RAD54L2: variants seen among roughly 807,000 people sequenced by gnomAD.
RAD54L2 encodes helicase ARIP4.
In RAD54L2, 27 loss-of-function variants were observed where a neutral mutation model predicts 138.4. The ratio of observed to expected loss-of-function variants is 0.20; its 90% CI spans 0.14 to 0.27. RAD54L2 has a LOEUF of 0.27. Among genes scored for constraint, RAD54L2 ranks in the 10% least tolerant of loss-of-function variants. RAD54L2 has a pLI of 1.00. For synonymous variants in RAD54L2, 644 were observed against 723.2 expected, an observed-to-expected ratio of 0.89 and a Z score of 1.76; for missense variants, 1,396 against 1,890.2, an observed-to-expected ratio of 0.74 and a Z score of 4.85.
At chr3:51,563,307 C>G (rs972328970) in intron 2 of RAD54L2, among the ~76,000 whole-genome samples, 1 of 152,140 alleles carries the variant, frequency 6.6e-6, no homozygotes, top group African/African-American at 2.4e-5. Flanking sequence ...GATTTTGGCA[C>G]CTGGCTGTAT....
chr3:51,593,028 A>G (rs1047720966), intron 3 of RAD54L2, among the ~76,000 whole-genome samples: 6 of 152,078 alleles, frequency 3.9e-5, no homozygotes, highest in African/African-American at 1.2e-4. Flanking sequence ...TGAATAATCT[A>G]GTTTTAGTTG....
chr3:51,634,726 A>G (rs952574926), intron 9 of RAD54L2, among the ~76,000 whole-genome samples: 4 of 152,188 alleles, frequency 2.6e-5, no homozygotes, highest in African/African-American at 9.6e-5. Flanking sequence ...CCTAATCATT[A>G]GTCACTTCTT....
chr3:51,582,295 AAC>A (rs770797243), intron 2 of RAD54L2, among the ~76,000 whole-genome samples: 4 of 152,180 alleles, frequency 2.6e-5, no homozygotes, highest in African/African-American at 4.8e-5. Flanking sequence ...CACAGAAGGA[AAC>A]ACACACACAA....
chr3:51,617,276 T>G (rs951133245), intron 3 of RAD54L2, among the ~76,000 whole-genome samples: 2 of 152,202 alleles, frequency 1.3e-5, no homozygotes, highest in Non-Finnish European at 2.9e-5. Context: ...AATAGATGTG[T>G]TTAACTTGAT....
intron 3 of RAD54L2, among the ~76,000 whole-genome samples, chr3:51,607,552 A>G (rs1006102326): frequency 3.3e-5 from 5 of 151,818 alleles, no homozygotes; most frequent in African/African-American, 1.2e-4. Context: ...TCTTTTCCCC[A>G]CATTTCCCCC....
At chr3:51,568,678 C>T (rs979937074) in intron 2 of RAD54L2, among the ~76,000 whole-genome samples, 7 of 152,134 alleles carry the variant, frequency 4.6e-5, no homozygotes, top group African/African-American at 1.7e-4. Context: ...ACATGGTACT[C>T]TTAACTGCTC....
At chr3:51,598,127 ATATATATGTGTGTATATATATATG>A (rs2106728398) in intron 3 of RAD54L2, among the ~76,000 whole-genome samples, 1 of 147,918 alleles carries the variant, frequency 6.8e-6, no homozygotes, top group South Asian at 2.1e-4. Flanking sequence ...GTGTATATAT[ATATATATGTGTGTATATATATATG>A]TGTGTGTGTG....
chr3:51,573,757 G>A (rs1699395823), intron 2 of RAD54L2, among the ~76,000 whole-genome samples: 1 of 152,146 alleles, frequency 6.6e-6, no homozygotes, highest in Non-Finnish European at 1.5e-5. Flanking sequence ...GGTATTTTGG[G>A]ATTTGTTAAG....
intron 2 of RAD54L2, among the ~76,000 whole-genome samples, chr3:51,559,424 T>C (rs1411882113): frequency 6.6e-6 from 1 of 152,206 alleles, no homozygotes; most frequent in East Asian, 1.9e-4. Context: ...GTAAGTTTGG[T>C]GTCTTACACT....
intron 2 of RAD54L2, among the ~76,000 whole-genome samples, chr3:51,588,011 C>T (rs1238858437): frequency 1.3e-5 from 2 of 149,744 alleles, no homozygotes; most frequent in Admixed American, 1.3e-4. Context: ...ACGGTGAGAC[C>T]CCGTCTCTAC....
chr3:51,648,903 G>A (rs1447238645), intron 19 of RAD54L2, among the ~76,000 whole-genome samples: 1 of 152,150 alleles, frequency 6.6e-6, no homozygotes. Context: ...CTCCTCCAAA[G>A]GATCACAGCT....
chr3:51,606,829 C>CCT (rs1178598313), intron 3 of RAD54L2, among the ~76,000 whole-genome samples: 1 of 151,762 alleles, frequency 6.6e-6, no homozygotes, highest in Non-Finnish European at 1.5e-5. Flanking sequence ...ATTACAGGCG[C>CCT]CTGCCACACA....
chr3:51,585,836 T>G (rs553749524), intron 2 of RAD54L2, among the ~76,000 whole-genome samples: 1 of 152,148 alleles, frequency 6.6e-6, no homozygotes, highest in Non-Finnish European at 1.5e-5. Flanking sequence ...AAATACAATT[T>G]GATTCCCAGA....
chr3:51,658,267 C>A (rs556127592), intron 21 of RAD54L2, among the ~76,000 whole-genome samples: 1 of 152,020 alleles, frequency 6.6e-6, no homozygotes, highest in African/African-American at 2.4e-5. Context: ...TGGGATGGGA[C>A]AAGTAGACAC....
chr3:51,639,786 G>A, intron 13 of RAD54L2, 95 bp from the exon 14 acceptor site: 1 of 1,503,126 alleles, frequency 6.7e-7, no homozygotes, highest in South Asian at 1.2e-5. Context: ...GAATTATAAA[G>A]GTGGCCAGTG....
At chr3:51,557,180 CTTTTTTTTTTTTTTTT>C (rs58428110) in intron 2 of RAD54L2, among the ~76,000 whole-genome samples, 107 of 113,276 alleles carry the variant, frequency 9.4e-4, no homozygotes, top group Non-Finnish European at 1.0e-3. Flanking sequence ...TTGTTGTTGG[CTTTTTTTTTTTTTTTT>C]TTTTTTTTTT....
In RAD54L2 at chr3:51,590,249, C is replaced by G. The variant is rs1009872479; in HGVS notation, c.-54-118C>G. The stretch of plus-strand genomic sequence containing the variant: ...CAAGTGATCCACCCACCTTGACCTC[C>G]CAAAGTGCTGGGATTACAGGCATGA... On this transcript the variant is annotated intron_variant, in intron 2 of 22. Coordinates refer to ENST00000684192, the MANE Select transcript of RAD54L2 (RefSeq NM_015106.4). The G allele has an allele frequency of 4.3e-6, 3 of 691,590 alleles. No individual in the cohort carries two copies. In the African/African-American group the frequency reaches 5.5e-5, roughly 13 times the overall value. The allele number at this position is 691,590 out of a possible 1,614,324, so 42.8% of individuals were successfully genotyped here. A position where few individuals can be genotyped will look rare whatever the true frequency, so the allele number is the denominator to read the frequency against.
At position 51,577,780 on chromosome 3, in the gene RAD54L2, G is replaced by A. The variant is rs568154474; in HGVS notation, c.-54-12587G>A. ...ACTCCGTGGGCTCCACCCAGTGTCC[G>A]ACAAGCCCCAGTGAGATGAACCTGG... On this transcript the variant is annotated intron_variant, in intron 2 of 22. Coordinates refer to ENST00000684192, the MANE Select transcript of RAD54L2 (RefSeq NM_015106.4). 6.6e-5 allele frequency among the ~76,000 whole-genome samples: 10 copies of A among 152,202 alleles called. 1 individual carries two copies. Among genetic ancestry groups the A allele is most frequent in the Admixed American group, 2.0e-4 (3 of 15,270 alleles).
At chr3:51,583,243 AG>A (rs1699646117) in intron 2 of RAD54L2, among the ~76,000 whole-genome samples, 1 of 152,176 alleles carries the variant, frequency 6.6e-6, no homozygotes, top group South Asian at 2.1e-4. Flanking sequence ...TTCAACATAT[AG>A]CCTGTTGTGA....
Sources: allele counts gnomAD v4.1 joint callset (sites outside exome capture counted in the v4.1 genomes callset), GRCh38; gene constraint gnomAD v4.1.1; transcripts MANE v1.5; gene names NCBI Gene and HGNC (gene_info 2026-07-23, HGNC 2026-07-21).